FBXL17: variants seen among roughly 807,000 people sequenced by gnomAD.
FBXL17 encodes F-box and leucine rich repeat protein 17.
FBXL17 carries 22 observed loss-of-function variants against 66.2 expected under a neutral mutation model. The observed-to-expected ratio is 0.33, with a 90% CI of 0.24 to 0.47. The LOEUF is 0.47. Ranked by LOEUF, FBXL17 falls within the 20% of genes least tolerant of loss-of-function variation. FBXL17 has a pLI of 1.00. For synonymous variants in FBXL17, 474 were observed against 400.5 expected (o/e 1.18, Z -2.19); for missense variants, 878 against 948.2 (o/e 0.93, Z 0.97).
In FBXL17 at chr5:108,009,292, T is replaced by TAGATAGATAGATAGATAG. The variant is rs1182877374; in HGVS notation, c.1822+11632_1822+11633insCTATCTATCTATCTATCT. ...ATATATATATATATATATATATATA[T>TAGATAGATAGATAGATAG]ATATATATACATATATACATACACA... On this transcript the variant is annotated intron_variant, in intron 7 of 8. Transcript: ENST00000542267. 2.1e-3 allele frequency among the ~76,000 whole-genome samples: 77 copies of TAGATAGATAGATAGATAG among 35,926 alleles called. 6 individuals carry two copies. Among genetic ancestry groups the TAGATAGATAGATAGATAG allele is most frequent in the Non-Finnish European group, 3.5e-3 (54 of 15,418 alleles). The allele number at this position is 35,926 out of a possible 152,430, so 23.6% of individuals were successfully genotyped here. A position where few individuals can be genotyped will look rare whatever the true frequency, so the allele number is the denominator to read the frequency against.
chr5:108,018,157 T>C (rs1754454396), intron 7 of FBXL17, among the ~76,000 whole-genome samples: 1 of 152,000 alleles, frequency 6.6e-6, no homozygotes, highest in Non-Finnish European at 1.5e-5. Context: ...AGTAAAGCAA[T>C]AGGAAGCAGA....
chr5:108,122,585 C>T (rs1750545184), intron 6 of FBXL17, among the ~76,000 whole-genome samples: 1 of 152,058 alleles, frequency 6.6e-6, no homozygotes, highest in Admixed American at 6.5e-5. Flanking sequence ...GAAATAATCT[C>T]TAGAGAGAAA....
chr5:107,900,753 A>C (rs1749548181), intron 7 of FBXL17, among the ~76,000 whole-genome samples: 1 of 152,196 alleles, frequency 6.6e-6, no homozygotes, highest in Non-Finnish European at 1.5e-5. Flanking sequence ...GAATTTATTG[A>C]AGCTCCTAAT....
At chr5:108,299,637 A>G in intron 4 of FBXL17, 1 of 974,766 alleles carries the variant, frequency 1.0e-6, no homozygotes, top group South Asian at 4.7e-5. Context: ...AATGCAAAAA[A>G]TAATAAAAAT....
At chr5:107,961,064 G>T (rs764575098) in intron 7 of FBXL17, among the ~76,000 whole-genome samples, 7 of 152,166 alleles carry the variant, frequency 4.6e-5, no homozygotes, top group African/African-American at 1.2e-4. Context: ...GGAGAAGCAG[G>T]CTGGCTGGAA....
At chr5:107,877,892 T>C (rs2112496344) in intron 8 of FBXL17, among the ~76,000 whole-genome samples, 1 of 152,170 alleles carries the variant, frequency 6.6e-6, no homozygotes, top group East Asian at 1.9e-4. Flanking sequence ...TGCCAGGAGA[T>C]GGTGTATCTT....
intron 6 of FBXL17, among the ~76,000 whole-genome samples, chr5:108,167,696 T>A (rs207466313): frequency 6.6e-6 from 1 of 152,266 alleles, no homozygotes; most frequent in African/African-American, 2.4e-5. Flanking sequence ...AAAATGAATA[T>A]GTCAAGAATC....
intron 6 of FBXL17, among the ~76,000 whole-genome samples, chr5:108,134,445 G>A (rs1751054969): frequency 6.6e-6 from 1 of 152,074 alleles, no homozygotes; most frequent in South Asian, 2.1e-4. Flanking sequence ...CTAACCATAA[G>A]TTTTTAAATA....
intron 3 of FBXL17, among the ~76,000 whole-genome samples, chr5:108,358,107 A>G (rs1279267788): frequency 6.6e-6 from 1 of 152,132 alleles, no homozygotes; most frequent in African/African-American, 2.4e-5. Context: ...TCTATTCATA[A>G]AATAATGTCA....
chr5:108,025,725 G>A (rs1159691734), intron 6 of FBXL17, among the ~76,000 whole-genome samples: 10 of 120,554 alleles, frequency 8.3e-5, no homozygotes, highest in South Asian at 3.3e-4. Flanking sequence ...ACACGCGCGC[G>A]CGCACACACA....
At position 107,892,532 on chromosome 5, in the gene FBXL17, G is replaced by A. The variant is rs115224225; in HGVS notation, c.1823-11353C>T. 4.0e-3 allele frequency among the ~76,000 whole-genome samples: 605 copies of A among 152,192 alleles called. 3 individuals are homozygous for A. The highest frequency in any genetic ancestry group is 0.014 in the African/African-American group (584 of 41,522). The stretch of plus-strand genomic sequence containing the variant: ...AAAACATTTTTAAAAGGCTTCTACT[G>A]AATAGATCACTTAATTTTCCCAGAG... On this transcript the variant is annotated intron_variant, in intron 7 of 8. Transcript: ENST00000542267.
At chr5:108,371,779 C>T (rs1749054810) in intron 1 of FBXL17, among the ~76,000 whole-genome samples, 1 of 152,154 alleles carries the variant, frequency 6.6e-6, no homozygotes, top group East Asian at 1.9e-4. Context: ...ACAGTAATGA[C>T]ATTTTAAAAT....
chr5:108,192,976 A>G (rs1753528597), intron 5 of FBXL17, among the ~76,000 whole-genome samples: 1 of 152,260 alleles, frequency 6.6e-6, no homozygotes, highest in Admixed American at 6.5e-5. Flanking sequence ...CTATCACTTC[A>G]GGACTCTGAG....
intron 6 of FBXL17, among the ~76,000 whole-genome samples, chr5:108,185,688 GA>G (rs1027417624): frequency 1.9e-4 from 28 of 150,504 alleles, no homozygotes; most frequent in Admixed American, 1.6e-3. Context: ...CTCCATCTCT[GA>G]AAAAAAAATG....
intron 7 of FBXL17, among the ~76,000 whole-genome samples, chr5:107,941,904 C>T (rs760739263): frequency 4.6e-5 from 7 of 152,288 alleles, no homozygotes; most frequent in Non-Finnish European, 8.8e-5. Flanking sequence ...GGCTTCCTTC[C>T]GTGACCGTCG....
intron 6 of FBXL17, among the ~76,000 whole-genome samples, chr5:108,113,701 G>A (rs1356023993): frequency 6.6e-6 from 1 of 151,998 alleles, no homozygotes; most frequent in East Asian, 1.9e-4. Flanking sequence ...CCAATTTTAG[G>A]TATACCTAAA....
chr5:108,330,864 T>A (rs1760089798), intron 4 of FBXL17, among the ~76,000 whole-genome samples: 1 of 151,904 alleles, frequency 6.6e-6, no homozygotes, highest in Admixed American at 6.6e-5. Context: ...GTATTCTATA[T>A]CCTGATGAAA....
At chr5:108,204,806 T>G (rs569224606) in intron 5 of FBXL17, among the ~76,000 whole-genome samples, 1 of 148,940 alleles carries the variant, frequency 6.7e-6, no homozygotes, top group Non-Finnish European at 1.5e-5. Flanking sequence ...TTTTACCCCT[T>G]AAAAGTTTTT....
At chr5:108,263,228 G>C (rs970284212) in intron 4 of FBXL17, among the ~76,000 whole-genome samples, 2 of 152,060 alleles carry the variant, frequency 1.3e-5, no homozygotes, top group African/African-American at 4.8e-5. Flanking sequence ...AGGAACAAAA[G>C]AGACTACTAT....
Sources: allele counts gnomAD v4.1 joint callset (sites outside exome capture counted in the v4.1 genomes callset), GRCh38; gene constraint gnomAD v4.1.1; transcripts MANE v1.5; gene names NCBI Gene and HGNC (gene_info 2026-07-23, HGNC 2026-07-21).